NOL11: variants seen among roughly 807,000 people sequenced by gnomAD.
NOL11 encodes the protein nucleolar protein 11.
A neutral mutation model predicts 93.0 loss-of-function variants in NOL11; 42 were observed. The ratio of observed to expected loss-of-function variants is 0.45; its 90% confidence interval spans 0.35 to 0.58. The LOEUF is 0.58. Ranked by LOEUF, NOL11 falls within the 20% of genes least tolerant of loss-of-function variation. The pLI, the probability that NOL11 is intolerant of heterozygous loss-of-function variation, is 0.00. For missense variants in NOL11, 775 were observed against 841.8 expected (o/e 0.92, Z 0.98); for synonymous variants, 296 against 293.7 (o/e 1.01, Z -0.08).
At chr17:67,734,467 C>T (rs1252626476) in intron 8 of NOL11, 28 bp downstream of exon 8, 28 of 1,362,488 alleles carry the variant, frequency 2.1e-5, no homozygotes, top group Non-Finnish European at 2.7e-5. Context: ...AGTACTTTCT[C>T]TGATTTAGTT....
At chr17:67,739,806 C>T (rs942362753) in intron 16 of NOL11, among the ~76,000 whole-genome samples, 198 bp downstream of exon 16, 2 of 152,174 alleles carry the variant, frequency 1.3e-5, no homozygotes, top group East Asian at 1.9e-4. Context: ...TAAATCTACA[C>T]GACAGAATTT....
Position 67,743,742 on chromosome 17 carries a change from G to T in NOL11, c.2044-1G>T. The T allele has an allele frequency of 6.8e-7, 1 of 1,470,262 alleles. No homozygotes were observed. The highest frequency in any genetic ancestry group is 9.2e-7 in the Non-Finnish European group (1 of 1,087,728). The allele number at this position is 1,470,262 out of a possible 1,614,324, so 91.1% of individuals were successfully genotyped here. On this transcript the variant is annotated splice_acceptor_variant, in intron 17 of 17. Transcript: ENST00000253247. LOFTEE classifies it high-confidence loss of function. ...AGTTACTCTGAAACTCTTTTCTTTA[G>T]ATATCTGTTTATTCTGAGCTCAACA...
At chr17:67,738,890 T>G in intron 14 of NOL11, 42 bp from the exon 15 acceptor site, 1 of 1,242,388 alleles carries the variant, frequency 8.0e-7, no homozygotes, top group Non-Finnish European at 1.2e-6. Context: ...TTCAATAGAA[T>G]AGCTTCTATT....
chr17:67,725,392 C>T (rs944301558), intron 6 of NOL11, among the ~76,000 whole-genome samples: 2 of 151,258 alleles, frequency 1.3e-5, no homozygotes, highest in African/African-American at 4.9e-5. Flanking sequence ...GCCTCTAGGG[C>T]GGGGAAGAAA....
intron 7 of NOL11, among the ~76,000 whole-genome samples, chr17:67,733,527 G>A (rs750712248): frequency 1.2e-4 from 18 of 152,312 alleles, no homozygotes; most frequent in Middle Eastern, 3.4e-3. Flanking sequence ...TAGAATAGCA[G>A]TGGTGAAGAA....
intron 16 of NOL11, among the ~76,000 whole-genome samples, chr17:67,740,437 C>T (rs2055244860): frequency 6.6e-6 from 1 of 151,596 alleles, no homozygotes; most frequent in Admixed American, 6.6e-5. Flanking sequence ...TGGAGAAACC[C>T]CGTCTCTACT....
intron 8 of NOL11, 64 bp downstream of exon 8, chr17:67,734,503 GTT>G: frequency 9.8e-7 from 1 of 1,023,078 alleles, no homozygotes; most frequent in African/African-American, 1.6e-5. Context: ...GTTTTGCTTT[GTT>G]TTGAGATGGG....
chr17:67,732,224 A>G (rs889564484), intron 7 of NOL11, among the ~76,000 whole-genome samples: 1 of 152,138 alleles, frequency 6.6e-6, no homozygotes, highest in Non-Finnish European at 1.5e-5. Context: ...AATCACACCT[A>G]TAATCCCAGC....
rs528346039 is a variant in NOL11 at position 67,732,341 on chromosome 17, C to T, written c.854-2022C>T. On this transcript the variant is annotated intron_variant, in intron 7 of 17. Coordinates refer to ENST00000253247, the MANE Select transcript of NOL11 (RefSeq NM_015462.5). ...TACTGAAAGAAAATACAGAATTAGC[C>T]GGGTGTGGTGGCACATGCCTATAAT... is the stretch of plus-strand genomic sequence containing the variant. Among the ~76,000 whole-genome samples the T allele has an allele frequency of 1.5e-3, 227 of 151,718 alleles. 1 individual carries two copies. The highest frequency in any genetic ancestry group is 5.1e-3 in the African/African-American group (210 of 41,428).
chr17:67,735,497 C>T (rs2055193020), intron 8 of NOL11, among the ~76,000 whole-genome samples: 1 of 150,310 alleles, frequency 6.7e-6, no homozygotes, highest in African/African-American at 2.4e-5. Flanking sequence ...TTTTTTTCCA[C>T]ATACCTGTCT....
At chr17:67,736,860 T>G in intron 10 of NOL11, 106 bp downstream of exon 10, 4 of 885,482 alleles carry the variant, frequency 4.5e-6, no homozygotes, top group Non-Finnish European at 7.1e-6. Context: ...GAGCTTTGAC[T>G]ATAATGACAG....
At chr17:67,729,673 G>A (rs879479224) in intron 7 of NOL11, among the ~76,000 whole-genome samples, 3 of 152,040 alleles carry the variant, frequency 2.0e-5, no homozygotes, top group East Asian at 1.9e-4. Context: ...CCGCCCCCCG[G>A]GTTCATGCCA....
chr17:67,721,359 A>T lies in NOL11; in HGVS notation c.313-19A>T, dbSNP rs546791568. 174 of 1,491,570 alleles carry T rather than the reference A, an allele frequency of 1.2e-4. 1 individual carries two copies. In the South Asian group the frequency reaches 2.4e-3, roughly 20 times the overall value. 92.4% of individuals were successfully genotyped at this position (1,491,570 alleles called of 1,614,324 possible). A position where few individuals can be genotyped will look rare whatever the true frequency, so the allele number is the denominator to read the frequency against. On this transcript the variant is annotated intron_variant, in intron 3 of 17. Coordinates refer to ENST00000253247, the MANE Select transcript of NOL11 (RefSeq NM_015462.5). ...AAATTGTTTTAGAATAAAAATTAAA[A>T]TTTTTTATGTTCTTCCAGTTGTCAG...
chr17:67,741,150 A>G (rs1003931620), intron 16 of NOL11, among the ~76,000 whole-genome samples: 4 of 151,972 alleles, frequency 2.6e-5, no homozygotes, highest in Non-Finnish European at 5.9e-5. Flanking sequence ...GCTCACTGCA[A>G]CCTCCGCCTC....
intron 6 of NOL11, among the ~76,000 whole-genome samples, chr17:67,725,066 C>A (rs1337528578): frequency 1.3e-5 from 2 of 151,882 alleles, no homozygotes; most frequent in African/African-American, 2.4e-5. Flanking sequence ...CTCGTCTCAA[C>A]AAAACAAAAC....
At chr17:67,725,101 G>A (rs939987246) in intron 6 of NOL11, among the ~76,000 whole-genome samples, 16 of 152,146 alleles carry the variant, frequency 1.1e-4, no homozygotes, top group Non-Finnish European at 2.1e-4. Flanking sequence ...TAAGCAATAA[G>A]TAACAATGTT....
At chr17:67,735,821 A>G in intron 8 of NOL11, 79 bp from the exon 9 acceptor site, 1 of 1,141,460 alleles carries the variant, frequency 8.8e-7, no homozygotes, top group Non-Finnish European at 1.2e-6. Flanking sequence ...GCACTTATAC[A>G]GTGAGTGATA....
rs1158176732 is a variant in NOL11 at position 67,743,899 on chromosome 17, T to C, written c.*40T>C. The C allele has an allele frequency of 1.9e-6, 2 of 1,040,600 alleles. No individual in the cohort carries two copies. The highest frequency in any genetic ancestry group is 2.9e-6 in the Non-Finnish European group (2 of 701,366). The allele number at this position is 1,040,600 out of a possible 1,614,324, so 64.5% of individuals were successfully genotyped here. ...CTTCATAGACATTTTATAAAGCTCT[T>C]TTATGTGAACTCTTGCTTCATCCAG... On this transcript the variant is annotated 3_prime_UTR_variant, in exon 18 of 18. Coordinates refer to ENST00000253247, the MANE Select transcript of NOL11 (RefSeq NM_015462.5).
intron 14 of NOL11, chr17:67,738,689 A>G: frequency 2.3e-6 from 1 of 438,776 alleles, no homozygotes; most frequent in Non-Finnish European, 4.0e-6. Context: ...AAAAAAAAAA[A>G]AAAGAAGAAG....
Sources: allele counts gnomAD v4.1 joint callset (sites outside exome capture counted in the v4.1 genomes callset), GRCh38; gene constraint gnomAD v4.1.1; transcripts MANE v1.5; gene names NCBI Gene and HGNC (gene_info 2026-07-23, HGNC 2026-07-21).